The following BRWD1 variants were observed in gnomAD, a reference collection of about 807,000 sequenced individuals.
BRWD1 encodes bromodomain and WD repeat domain containing 1, also known as bromodomain and WD repeat-containing protein 1.
BRWD1 carries 82 observed loss-of-function variants against 251.2 expected under a neutral mutation model. The observed-to-expected ratio is 0.33, with a 90% CI of 0.27 to 0.39. The LOEUF (loss-of-function observed/expected upper bound fraction) is 0.39. BRWD1 is among the 10% of genes least tolerant of loss of function. BRWD1 has a pLI of 1.00. For missense variants in BRWD1, 2,233 were observed against 2,711.6 expected, an observed-to-expected ratio of 0.82 and a Z score of 3.92; for synonymous variants, 918 against 902.8, an observed-to-expected ratio of 1.02 and a Z score of -0.30.
intron 10 of BRWD1, 167 bp downstream of exon 10, chr21:39,278,576 G>A (rs2035351725): frequency 7.4e-6 from 4 of 536,960 alleles, no homozygotes; most frequent in East Asian, 3.1e-5. Flanking sequence ...CAGACTGGAG[G>A]ACTGGAAGAA....
rs1297759407 is a variant in BRWD1, at chr21:39,187,341, C to T, written c.*8918G>A. 1 of 1,613,842 alleles carries T rather than the reference C, an allele frequency of 6.2e-7. No homozygotes were observed. The highest frequency in any genetic ancestry group is 1.1e-5 in the South Asian group (1 of 91,080). ...TTTTTGCTTTCAGAGTTTCACTAGG[C>T]ATCTGCACTGCATCCTTCTGATTAT... On this transcript the variant is annotated 3_prime_UTR_variant, in exon 41 of 41. Coordinates refer to ENST00000342449, the MANE Select transcript of BRWD1 (RefSeq NM_033656.4).
At chr21:39,294,140 T>C (rs2836977) in intron 7 of BRWD1, 108 bp from the exon 8 acceptor site, 244,553 of 776,212 alleles carry the variant, frequency 0.32, 41,947 homozygotes, top group Middle Eastern at 0.38. Context: ...TTTCCAACTA[T>C]AGAATACTCT....
Position 39,196,334 on chromosome 21 carries a change from C to T in BRWD1, c.6735G>A (p.Arg2245=). The T allele has an allele frequency of 6.2e-7, 1 of 1,613,320 alleles. No homozygotes were observed. Among genetic ancestry groups the T allele is most frequent in the Non-Finnish European group, 8.5e-7 (1 of 1,179,542 alleles). The change falls in exon 41 of 41, where the codon AGG becomes AGA. Residue 2245 remains arginine, a synonymous_variant. Coordinates refer to ENST00000342449, the MANE Select transcript of BRWD1 (RefSeq NM_033656.4). The part of the protein sequence containing the change: ...SKIKTRNQGR[R]TVRYHDGDDD... ...CATCCCCATCATGGTATCTCACAGTCCTTCTACCCTGATTTCTCGTTTTTA... is the reference window on the plus strand; with the variant it reads ...CATCCCCATCATGGTATCTCACAGTTCTTCTACCCTGATTTCTCGTTTTTA...
chr21:39,318,122 C>G (rs1230807983), upstream of BRWD1, among the ~76,000 whole-genome samples: 1 of 151,758 alleles, frequency 6.6e-6, no homozygotes, highest in South Asian at 2.1e-4. Context: ...TTTTTTTAAT[C>G]TGTCTGTGAA....
At chr21:39,296,699 TC>T in intron 5 of BRWD1, 1 of 863,142 alleles carries the variant, frequency 1.2e-6, no homozygotes, top group Non-Finnish European at 1.4e-6. Context: ...GCTCAAAGGT[TC>T]CAGGACCTTT....
intron 33 of BRWD1, 60 bp from the exon 34 acceptor site, chr21:39,212,767 A>T (rs898480993): frequency 1.7e-6 from 2 of 1,164,228 alleles, no homozygotes; most frequent in African/African-American, 1.6e-5. Flanking sequence ...TAATAACATA[A>T]TCTTAATAAA....
intron 29 of BRWD1, among the ~76,000 whole-genome samples, chr21:39,221,728 G>T (rs1005533267): frequency 6.6e-6 from 1 of 152,100 alleles, no homozygotes; most frequent in East Asian, 1.9e-4. Context: ...TTGAGGCCAG[G>T]AGTTCAAGTC....
At chr21:39,261,581 A>G (rs2034747525) in intron 17 of BRWD1, among the ~76,000 whole-genome samples, 1 of 152,210 alleles carries the variant, frequency 6.6e-6, no homozygotes, top group East Asian at 1.9e-4. Context: ...TAAATATCTC[A>G]GTATTGTTAT....
Position 39,274,392 on chromosome 21 carries a change from A to G in BRWD1, c.1226T>C (p.Met409Thr), listed in dbSNP as rs1055796123. 24 of 1,613,584 alleles carry G rather than the reference A, an allele frequency of 1.5e-5. No individual in the cohort carries two copies. The East Asian group carries it at 4.9e-4, about 33-fold the overall frequency. ...QLEWRSILLD[M>T]ATRISGDLSS... ...AACTTACCCTGAGATTCTGGTAGCC[A>G]TATCCAATAAAATGCTCCTCCATTC... Residue 409 changes from methionine to threonine, a missense_variant, in exon 13 of 41, where the codon ATG (methionine) becomes ACG (threonine). Coordinates refer to ENST00000342449, the MANE Select transcript of BRWD1 (RefSeq NM_033656.4).
In BRWD1 at chr21:39,193,779, T is replaced by A. The variant is rs2031674021; in HGVS notation, c.*2480A>T. Reference sequence around the variant, plus strand: ...CTGTGCATTAAATCCCTGGGCATTTTGCATAACGTAGAAAAAAAAGGCCAA... The same window carrying A: ...CTGTGCATTAAATCCCTGGGCATTTAGCATAACGTAGAAAAAAAAGGCCAA... On this transcript the variant is annotated 3_prime_UTR_variant, in exon 41 of 41. Coordinates refer to ENST00000342449, the MANE Select transcript of BRWD1 (RefSeq NM_033656.4). 3.0e-6 allele frequency: 3 copies of A among 985,460 alleles called. No homozygotes were observed. Among genetic ancestry groups the A allele is most frequent in the South Asian group, 9.4e-5 (2 of 21,292 alleles). The allele number at this position is 985,460 out of a possible 1,614,324, so 61.0% of individuals were successfully genotyped here.
At chr21:39,255,369 G>A (rs1465084782) in intron 19 of BRWD1, among the ~76,000 whole-genome samples, 3 of 151,818 alleles carry the variant, frequency 2.0e-5, no homozygotes, top group Non-Finnish European at 4.4e-5. Context: ...CCGAGATCAT[G>A]CCACCGCACT....
At chr21:39,299,955 G>A (rs2036063331) in intron 4 of BRWD1, among the ~76,000 whole-genome samples, 1 of 152,004 alleles carries the variant, frequency 6.6e-6, no homozygotes, top group South Asian at 2.1e-4. Context: ...GCACTCCACA[G>A]CCTGGGCGAC....
At position 39,313,571 on chromosome 21, in the gene BRWD1, T is replaced by G; in HGVS notation, c.-80A>C. 8.5e-7 allele frequency: 1 copy of G among 1,174,174 alleles called. No individual in the cohort carries two copies. Among genetic ancestry groups the G allele is most frequent in the Non-Finnish European group, 1.1e-6 (1 of 933,582 alleles). The allele number at this position is 1,174,174 out of a possible 1,614,324, so 72.7% of individuals were successfully genotyped here. On this transcript the variant is annotated 5_prime_UTR_variant, in exon 1 of 41. Coordinates refer to ENST00000342449, the MANE Select transcript of BRWD1 (RefSeq NM_033656.4). ...GCGCCGAGGCCTGACCGGGCTGGCG[T>G]CCCCTCTTCTCAGGCGCGCGCCGCC... is the stretch of plus-strand genomic sequence containing the variant.
At position 39,211,091 on chromosome 21, in the gene BRWD1, G is replaced by C. The variant is rs6517528; in HGVS notation, c.3901-162C>G. Among the ~76,000 whole-genome samples, 94 of 152,314 alleles carry C rather than the reference G, an allele frequency of 6.2e-4. 2 individuals carry two copies. In the South Asian group the frequency reaches 0.019, roughly 31 times the overall value. ...GAAATTTTTAAACTATGCATGAAAC[G>C]TAAGTTATTTTCATATAACTTAACC... is the stretch of plus-strand genomic sequence containing the variant. On this transcript the variant is annotated intron_variant, in intron 34 of 40. Coordinates refer to ENST00000342449, the MANE Select transcript of BRWD1 (RefSeq NM_033656.4).
Position 39,247,730 on chromosome 21 carries a change from C to T in BRWD1, c.2452G>A (p.Gly818Arg). 6.2e-7 allele frequency: 1 copy of T among 1,612,756 alleles called. No homozygotes were observed. Among genetic ancestry groups the T allele is most frequent in the Non-Finnish European group, 8.5e-7 (1 of 1,179,512 alleles). Reference protein sequence around the residue: ...RNRSWRELSSGNESSSSVRHE... With the variant: ...RNRSWRELSSRNESSSSVRHE... The stretch of plus-strand genomic sequence containing the variant: ...CTTACAGAGCTTGAAGACTCATTTC[C>T]AGAAGATAACTCACGCCAGCTACGA... The change falls in exon 21 of 41, where the codon GGA becomes AGA. Residue 818 changes from glycine to arginine, a missense_variant. Coordinates refer to ENST00000342449, the MANE Select transcript of BRWD1 (RefSeq NM_033656.4).
intron 21 of BRWD1, among the ~76,000 whole-genome samples, chr21:39,240,089 A>G (rs1198295786): frequency 6.6e-6 from 1 of 152,204 alleles, no homozygotes; most frequent in African/African-American, 2.4e-5. Context: ...AAATCAAGCC[A>G]TGAGAAGGCA....
chr21:39,291,735 CT>C (rs1445462139), intron 8 of BRWD1, among the ~76,000 whole-genome samples: 1 of 24,502 alleles, frequency 4.1e-5, no homozygotes, highest in Non-Finnish European at 8.2e-5. Flanking sequence ...TTATCTGCCC[CT>C]CTCATCACGT....
chr21:39,285,871 CAA>C (rs113834787), intron 8 of BRWD1, among the ~76,000 whole-genome samples: 23,622 of 100,934 alleles, frequency 0.23, 1,088 homozygotes, highest in Middle Eastern at 0.38. Context: ...GCCCAGTCAA[CAA>C]AAAAAAAAAA....
At chr21:39,224,831 C>T (rs2836945) in intron 28 of BRWD1, among the ~76,000 whole-genome samples, 71,290 of 151,768 alleles carry the variant, frequency 0.47, 16,919 homozygotes, top group Admixed American at 0.53. Flanking sequence ...AGGACACTGA[C>T]AATACGAGGT....
Sources: gnomAD v4.1 joint callset for allele counts (sites outside exome capture counted in the v4.1 genomes callset) on GRCh38, gnomAD v4.1.1 for gene constraint, MANE v1.5 for transcripts, NCBI Gene and HGNC (gene_info 2026-07-23, HGNC 2026-07-21) for gene names.